Variants in ATL2 observed in about 807,000 individuals in gnomAD.
ATL2 encodes atlastin-2.
In ATL2, 31 loss-of-function variants were observed where a neutral mutation model predicts 73.9. The observed-to-expected ratio is 0.42, with a 90% CI of 0.32 to 0.57. The LOEUF (loss-of-function observed/expected upper bound fraction) is 0.57. Among genes scored for constraint, ATL2 ranks in the 20% least tolerant of loss-of-function variants. ATL2 has a pLI of 0.14. For missense variants in ATL2, 738 were observed against 702.6 expected (o/e 1.05, Z -0.57); for synonymous variants, 291 against 237.5 (o/e 1.23, Z -2.07).
At chr2:38,299,191 A>ATT (rs954196375) in intron 11 of ATL2, 65 bp downstream of exon 11, 77 of 994,366 alleles carry the variant, frequency 7.7e-5, no homozygotes, top group Middle Eastern at 3.6e-4. Flanking sequence ...AATTTTTTTA[A>ATT]TTTTTTTTTT....
At chr2:38,374,442 A>T (rs115856513) in intron 1 of ATL2, among the ~76,000 whole-genome samples, 10,706 of 152,332 alleles carry the variant, frequency 0.07, 488 homozygotes, top group Non-Finnish European at 0.11. Context: ...CACGTTAAAA[A>T]CAAGAAAGAA....
chr2:38,306,151 G>A (rs1667435912), intron 9 of ATL2, among the ~76,000 whole-genome samples: 1 of 152,124 alleles, frequency 6.6e-6, no homozygotes, highest in African/African-American at 2.4e-5. Context: ...TAGAAGAAAT[G>A]TATCAATTCC....
At chr2:38,329,974 C>T (rs1473169271) in intron 2 of ATL2, among the ~76,000 whole-genome samples, 6 of 151,740 alleles carry the variant, frequency 4.0e-5, no homozygotes, top group African/African-American at 1.5e-4. Flanking sequence ...ACTAAAAATA[C>T]AAAAATTAGC....
chr2:38,367,827 T>G (rs1361454421), intron 1 of ATL2, among the ~76,000 whole-genome samples: 1 of 151,340 alleles, frequency 6.6e-6, no homozygotes, highest in Non-Finnish European at 1.5e-5. Context: ...GAGATGGGGT[T>G]TCACCATGTT....
At chr2:38,370,867 GT>G (rs1671649317) in intron 1 of ATL2, among the ~76,000 whole-genome samples, 1 of 151,568 alleles carries the variant, frequency 6.6e-6, no homozygotes, top group African/African-American at 2.4e-5. Flanking sequence ...AATGGCGGGG[GT>G]GGGGGGTGCA....
chr2:38,358,555 G>A (rs773722475), intron 1 of ATL2: 40 of 332,404 alleles, frequency 1.2e-4, no homozygotes, highest in East Asian at 1.4e-4. Context: ...AGCCGGACAC[G>A]GTGGCAGGCG....
chr2:38,298,301 G>A lies in ATL2; in HGVS notation c.1475C>T (p.Thr492Ile), dbSNP rs1667005193. 2 of 1,614,056 alleles carry A rather than the reference G, an allele frequency of 1.2e-6. No homozygotes were observed. The highest frequency in any genetic ancestry group is 2.2e-5 in the South Asian group (2 of 91,086). Residue 492 changes from threonine to isoleucine, a missense_variant, in exon 12 of 13, where the codon ACT (threonine) becomes ATT (isoleucine). Thr to Ile is a moderately conservative substitution (Grantham distance 89). Coordinates refer to ENST00000378954, the MANE Select transcript of ATL2 (RefSeq NM_001135673.4). ...MFAMYIISGLTGFIGLNSIAV... is the reference protein window; with the variant it reads ...MFAMYIISGLIGFIGLNSIAV... ...TATAGAGTTTAGGCCAATGAAGCCA[G>A]TCAGTCCTGAGATTATATACATAGC... is the stretch of plus-strand genomic sequence containing the variant.
At chr2:38,374,794 A>C (rs760400641) in intron 1 of ATL2, among the ~76,000 whole-genome samples, 4 of 152,238 alleles carry the variant, frequency 2.6e-5, no homozygotes, top group Non-Finnish European at 5.9e-5. Flanking sequence ...AATTTTGGAA[A>C]AGGTCTAACA....
At chr2:38,325,091 A>T (rs1668522402) in intron 2 of ATL2, among the ~76,000 whole-genome samples, 1 of 152,268 alleles carries the variant, frequency 6.6e-6, no homozygotes. Context: ...GAGGGCTAAC[A>T]AAACGGAAGG....
intron 1 of ATL2, among the ~76,000 whole-genome samples, chr2:38,364,861 G>A (rs1186670269): frequency 3.3e-5 from 5 of 151,948 alleles, no homozygotes; most frequent in Non-Finnish European, 7.4e-5. Context: ...TGGCTAACAC[G>A]GTGAAACTCC....
intron 2 of ATL2, among the ~76,000 whole-genome samples, chr2:38,329,528 AG>A (rs1379639050): frequency 6.6e-6 from 1 of 151,766 alleles, no homozygotes; most frequent in African/African-American, 2.4e-5. Context: ...CAAGCATTTA[AG>A]GAAGAAATGG....
At chr2:38,332,000 T>C (rs11888672) in intron 2 of ATL2, among the ~76,000 whole-genome samples, 42,926 of 152,006 alleles carry the variant, frequency 0.28, 6,126 homozygotes, top group South Asian at 0.37. Flanking sequence ...CCATAAAAAG[T>C]ACTGATACAT....
At chr2:38,366,554 A>C (rs1671342659) in intron 1 of ATL2, among the ~76,000 whole-genome samples, 1 of 152,216 alleles carries the variant, frequency 6.6e-6, no homozygotes, top group Non-Finnish European at 1.5e-5. Context: ...CATAGCCTAC[A>C]CTTTGCTCTC....
At chr2:38,374,524 C>G (rs1671856847) in intron 1 of ATL2, among the ~76,000 whole-genome samples, 1 of 152,174 alleles carries the variant, frequency 6.6e-6, no homozygotes, top group South Asian at 2.1e-4. Flanking sequence ...CCACCATTAC[C>G]AAAAAGTTTA....
At chr2:38,352,560 C>T (rs1385487628) in intron 1 of ATL2, among the ~76,000 whole-genome samples, 2 of 152,176 alleles carry the variant, frequency 1.3e-5, no homozygotes, top group Admixed American at 1.3e-4. Context: ...GAGCCCAGAA[C>T]TCCTTGGACA....
At chr2:38,345,310 T>TAATACCTTATCCACATAACC (rs1420424267) in intron 1 of ATL2, among the ~76,000 whole-genome samples, 1 of 152,198 alleles carries the variant, frequency 6.6e-6, no homozygotes, top group African/African-American at 2.4e-5. Flanking sequence ...AACAGTTCAG[T>TAATACCTTATCCACATAACC]AATACCTTAT....
intron 1 of ATL2, among the ~76,000 whole-genome samples, chr2:38,352,792 C>T (rs925652453): frequency 6.6e-6 from 1 of 152,186 alleles, no homozygotes; most frequent in African/African-American, 2.4e-5. Context: ...TAGAGTAAGG[C>T]CTACTGACAA....
chr2:38,334,048 G>C (rs953989469), intron 2 of ATL2, among the ~76,000 whole-genome samples: 1 of 35,102 alleles, frequency 2.8e-5, no homozygotes, highest in African/African-American at 1.5e-4. Context: ...TTTTTTTTTT[G>C]AGACAGAGTC....
intron 2 of ATL2, among the ~76,000 whole-genome samples, chr2:38,325,866 G>C (rs993273542): frequency 2.0e-5 from 3 of 146,466 alleles, no homozygotes; most frequent in Non-Finnish European, 3.0e-5. Context: ...GCCCCATCTA[G>C]GCTTCCTGTC....
Sources: allele counts gnomAD v4.1 joint callset (sites outside exome capture counted in the v4.1 genomes callset), GRCh38; gene constraint gnomAD v4.1.1; transcripts MANE v1.5; gene names NCBI Gene and HGNC (gene_info 2026-07-23, HGNC 2026-07-21).